MID1: variants seen among roughly 807,000 people sequenced by gnomAD.
The protein encoded by MID1 is midline 1.
Under a neutral mutation model 40.4 loss-of-function variants are expected in MID1, and 7 were observed. The observed-to-expected ratio is 0.17, with a 90% confidence interval of 0.10 to 0.33. The LOEUF (loss-of-function observed/expected upper bound fraction) is 0.33, where lower values mean the gene tolerates loss of function less well. Among genes scored for constraint, MID1 ranks in the 10% least tolerant of loss-of-function variants. MID1 has a pLI of 1.00. For missense variants in MID1, 367 were observed against 558.5 expected (o/e 0.66, Z 3.46); for synonymous variants, 229 against 221.2 (o/e 1.04, Z -0.31).
intron 2 of MID1, among the ~76,000 whole-genome samples, chrX:10,541,601 A>G (rs1451792289): frequency 9.0e-6 from 1 of 111,405 alleles, no homozygotes; most frequent in African/African-American, 3.3e-5. Flanking sequence ...GGTTTTTTAA[A>G]TGAAAACTCT....
intron 2 of MID1, among the ~76,000 whole-genome samples, chrX:10,538,880 G>A (rs370964235): frequency 7.1e-5 from 8 of 112,502 alleles, no homozygotes; most frequent in South Asian, 3.7e-4. Flanking sequence ...TATAACAGAA[G>A]TCATATGAAG....
chrX:10,773,448 G>A (rs991230917), intron 1 of MID1, among the ~76,000 whole-genome samples: 3 of 112,053 alleles, frequency 2.7e-5, no homozygotes, highest in Non-Finnish European at 5.6e-5. Context: ...CCATTTTAGT[G>A]CTATAATTCT....
chrX:10,801,139 T>C (rs977180025), intron 1 of MID1, among the ~76,000 whole-genome samples: 1 of 111,491 alleles, frequency 9.0e-6, no homozygotes, highest in African/African-American at 3.3e-5. Context: ...ACATTAGTAG[T>C]ACAAGAAATT....
intron 1 of MID1, among the ~76,000 whole-genome samples, chrX:10,661,856 T>C (rs750946028): frequency 8.9e-6 from 1 of 111,988 alleles, no homozygotes; most frequent in Non-Finnish European, 1.9e-5. Flanking sequence ...TTTCAACTTG[T>C]TCAGAAAAGA....
At chrX:10,778,913 A>G (rs1421691170) in intron 1 of MID1, among the ~76,000 whole-genome samples, 1 of 113,504 alleles carries the variant, frequency 8.8e-6, no homozygotes, top group African/African-American at 3.2e-5. Flanking sequence ...CAGAGAAATA[A>G]AGAATTAAGT....
At chrX:10,717,452 C>A (rs7065931) in intron 1 of MID1, among the ~76,000 whole-genome samples, 17,359 of 108,373 alleles carry the variant, frequency 0.16, 2,351 homozygotes, top group African/African-American at 0.44. Context: ...ACAAAGAAGG[C>A]CATTACATAA....
At position 10,759,097 on chromosome X, in the gene MID1, C is replaced by A. The variant is rs774854853; in HGVS notation, c.-187+74457G>T. On this transcript the variant is annotated intron_variant, in intron 1 of 10. Coordinates refer to the MID1 transcript ENST00000380785. ...ATACTCCTTTTTCAATGGACATTGA[C>A]AACACGCATGTATGCTATTATTACG... Among the ~76,000 whole-genome samples the A allele has an allele frequency of 7.7e-4, 86 of 112,020 alleles. 1 individual carries two copies. The highest frequency in any genetic ancestry group is 2.7e-3 in the African/African-American group (84 of 30,851).
chrX:10,830,060 G>A (rs2044243439), intron 1 of MID1, among the ~76,000 whole-genome samples: 2 of 112,274 alleles, frequency 1.8e-5, no homozygotes, highest in Admixed American at 9.4e-5. Context: ...GTTATTTATA[G>A]ATGCTCTGCA....
chrX:10,662,952 G>A (rs1342277823), intron 1 of MID1, among the ~76,000 whole-genome samples: 1 of 111,818 alleles, frequency 8.9e-6, no homozygotes, highest in Non-Finnish European at 1.9e-5. Flanking sequence ...TGTCTACACT[G>A]TCTTGTATAA....
At chrX:10,698,950 T>C (rs375187181) in intron 1 of MID1, among the ~76,000 whole-genome samples, 1 of 111,695 alleles carries the variant, frequency 9.0e-6, no homozygotes, top group African/African-American at 3.3e-5. Flanking sequence ...GTTTCCTCCA[T>C]GTATCTACCT....
intron 3 of MID1, among the ~76,000 whole-genome samples, chrX:10,521,529 C>G (rs1195339086): frequency 1.8e-5 from 2 of 110,966 alleles, no homozygotes; most frequent in Non-Finnish European, 3.8e-5. Flanking sequence ...GGCCAGAAGG[C>G]TTAAAAGTGT....
At chrX:10,724,945 C>A (rs927173968) in intron 1 of MID1, among the ~76,000 whole-genome samples, 1 of 111,849 alleles carries the variant, frequency 8.9e-6, no homozygotes. Flanking sequence ...TCTCTGCAAA[C>A]CTCGTTCAAG....
intron 1 of MID1, among the ~76,000 whole-genome samples, chrX:10,808,828 A>C (rs1396197000): frequency 8.9e-6 from 1 of 112,161 alleles, no homozygotes; most frequent in Non-Finnish European, 1.9e-5. Context: ...AAAACCCTAG[A>C]AGAAAACCTA....
chrX:10,636,801 T>G (rs1936121223), intron 1 of MID1, among the ~76,000 whole-genome samples: 1 of 87,294 alleles, frequency 1.1e-5, no homozygotes, highest in African/African-American at 4.4e-5. Context: ...TATATATATA[T>G]ATATATATAT....
At chrX:10,613,760 G>GAC (rs1935789408) in intron 1 of MID1, among the ~76,000 whole-genome samples, 1 of 88,120 alleles carries the variant, frequency 1.1e-5, no homozygotes. Flanking sequence ...GAGAGAGAGA[G>GAC]AGAGAGAGAC....
intron 3 of MID1, among the ~76,000 whole-genome samples, chrX:10,513,198 C>T (rs1932243445): frequency 8.9e-6 from 1 of 112,137 alleles, no homozygotes; most frequent in African/African-American, 3.2e-5. Flanking sequence ...TTATTTTATA[C>T]ACAGAGATAA....
In MID1 at chrX:10,817,043, T is replaced by C. The variant is rs188632695; in HGVS notation, c.-187+16511A>G. Among the ~76,000 whole-genome samples the C allele has an allele frequency of 2.0e-3, 226 of 112,261 alleles. 1 individual carries two copies. Among genetic ancestry groups the C allele is most frequent in the Middle Eastern group, 4.6e-3 (1 of 217 alleles). The stretch of plus-strand genomic sequence containing the variant: ...AGGTAGGATATTTCAAGCCCTTTGA[T>C]GTTGAACTTTTAGGTGTATCTGCCT... On this transcript the variant is annotated intron_variant, in intron 1 of 10. Coordinates refer to the MID1 transcript ENST00000380785.
At chrX:10,802,494 C>G (rs1602586495) in intron 1 of MID1, among the ~76,000 whole-genome samples, 1 of 111,743 alleles carries the variant, frequency 8.9e-6, no homozygotes, top group Non-Finnish European at 1.9e-5. Flanking sequence ...GTCAGAATGG[C>G]TATTATTAAA....
At chrX:10,471,172 T>C (rs950467530) in intron 6 of MID1, among the ~76,000 whole-genome samples, 3 of 112,178 alleles carry the variant, frequency 2.7e-5, no homozygotes, top group African/African-American at 9.7e-5. Context: ...AGGAGAAACA[T>C]ACCTGCACTC....
Sources: gnomAD v4.1 joint callset for allele counts (sites outside exome capture counted in the v4.1 genomes callset) on GRCh38, gnomAD v4.1.1 for gene constraint, MANE v1.5 for transcripts, NCBI Gene and HGNC (gene_info 2026-07-23, HGNC 2026-07-21) for gene names.